Variants in YTHDC1 observed in about 807,000 individuals in gnomAD.
YTHDC1 encodes the protein YTH N6-methyladenosine RNA binding protein C1.
Under a neutral mutation model 107.0 loss-of-function variants are expected in YTHDC1, and 12 were observed. The observed-to-expected ratio is 0.11, with a 90% CI of 0.07 to 0.18. The LOEUF (loss-of-function observed/expected upper bound fraction) is 0.18, where lower values mean the gene tolerates loss of function less well. YTHDC1 is among the 10% of genes least tolerant of loss of function. The pLI is 1.00. For missense variants in YTHDC1, 635 were observed against 898.8 expected (o/e 0.71, Z 3.75); for synonymous variants, 280 against 289.5 (o/e 0.97, Z 0.33).
At position 68,318,819 on chromosome 4, in the gene YTHDC1, G is replaced by A. The variant is rs1223346965; in HGVS notation, c.1721+7C>T. 5.6e-6 allele frequency: 9 copies of A among 1,613,864 alleles called. No homozygotes were observed. The highest frequency in any genetic ancestry group is 3.3e-5 in the Admixed American group (2 of 59,994). ...TTCAAAACTAGGCAAGAGTGAACCC[G>A]ACTTACCTGTCCACTTCCTGGTATC... is the stretch of plus-strand genomic sequence containing the variant. On this transcript the variant is annotated splice_region_variant and intron_variant, in intron 13 of 16. Transcript: ENST00000344157.
intron 1 of YTHDC1, chr4:68,344,023 T>C (rs1000891604): frequency 5.3e-5 from 8 of 152,154 alleles, no homozygotes; most frequent in African/African-American, 1.9e-4. Flanking sequence ...AAATACTATT[T>C]GATTATTAGG....
chr4:68,330,390 A>T, intron 7 of YTHDC1, 80 bp from the exon 8 acceptor site: 1 of 979,096 alleles, frequency 1.0e-6, no homozygotes, highest in Non-Finnish European at 1.4e-6. Context: ...AAAAAAAACT[A>T]CATATTTTGG....
intron 1 of YTHDC1, among the ~76,000 whole-genome samples, chr4:68,347,609 T>G (rs560781093): frequency 6.6e-6 from 1 of 152,258 alleles, no homozygotes; most frequent in South Asian, 2.1e-4. Context: ...TTTCTGCAAC[T>G]TATAGACTCA....
At chr4:68,321,389 G>A (rs565919438) in intron 11 of YTHDC1, among the ~76,000 whole-genome samples, 1 of 152,226 alleles carries the variant, frequency 6.6e-6, no homozygotes, top group Admixed American at 6.5e-5. Context: ...CTGTAGTTTG[G>A]GGAGTGCATT....
At chr4:68,347,068 A>C (rs1270892820) in intron 1 of YTHDC1, among the ~76,000 whole-genome samples, 1 of 152,196 alleles carries the variant, frequency 6.6e-6, no homozygotes, top group East Asian at 1.9e-4. Flanking sequence ...CCAACCTGGT[A>C]AATACTCAAG....
chr4:68,320,084 A>G lies in YTHDC1; in HGVS notation c.1684+39T>C, dbSNP rs756438652. 3.3e-6 allele frequency: 5 copies of G among 1,519,808 alleles called. No individual in the cohort carries two copies. The East Asian group carries it at 9.1e-5, about 28-fold the overall frequency. 94.1% of individuals were successfully genotyped at this position (1,519,808 alleles called of 1,614,324 possible). A position where few individuals can be genotyped will look rare whatever the true frequency, so the allele number is the denominator to read the frequency against. ...TTAATTTTTTAATTTTTTTCCAATA[A>G]TTTGAAATCAAATATCTGCAGGATT... On this transcript the variant is annotated intron_variant, in intron 12 of 16. Coordinates refer to ENST00000344157, the MANE Select transcript of YTHDC1 (RefSeq NM_001031732.4).
chr4:68,317,660 G>T (rs1053830611), intron 15 of YTHDC1, among the ~76,000 whole-genome samples: 3 of 152,166 alleles, frequency 2.0e-5, no homozygotes, highest in African/African-American at 7.2e-5. Flanking sequence ...AGAAAATTTA[G>T]TGAGTATTAG....
At chr4:68,314,465 C>T (rs1721599531) in intron 16 of YTHDC1, 142 bp from the exon 17 acceptor site, 3 of 677,436 alleles carry the variant, frequency 4.4e-6, no homozygotes, top group African/African-American at 3.6e-5. Flanking sequence ...GCGGAGAGAA[C>T]AATCCAAAGA....
intron 4 of YTHDC1, among the ~76,000 whole-genome samples, chr4:68,336,807 A>G (rs765708832): frequency 3.9e-5 from 6 of 152,200 alleles, no homozygotes; most frequent in Non-Finnish European, 8.8e-5. Context: ...TTCATTTACA[A>G]CACAACCATT....
chr4:68,324,355 T>A, intron 9 of YTHDC1, 132 bp from the exon 10 acceptor site: 2 of 668,616 alleles, frequency 3.0e-6, no homozygotes, highest in Non-Finnish European at 4.8e-6. Flanking sequence ...TTACAGTGGT[T>A]AATTCCCTAT....
Position 68,312,604 on chromosome 4 carries a change from A to C in YTHDC1, c.*1495T>G, listed in dbSNP as rs1560465040. The C allele has an allele frequency of 6.6e-6, 1 of 152,226 alleles. No homozygotes were observed. Among genetic ancestry groups the C allele is most frequent in the Non-Finnish European group, 1.5e-5 (1 of 68,026 alleles). 9.4% of individuals were successfully genotyped at this position (152,226 alleles called of 1,614,324 possible). ...TTGTAAATAAAACTTCTGTGAATGC[A>C]GGGAAAGATACTACATGCTGGTATG... is the stretch of plus-strand genomic sequence containing the variant. On this transcript the variant is annotated 3_prime_UTR_variant, in exon 17 of 17. Coordinates refer to ENST00000344157, the MANE Select transcript of YTHDC1 (RefSeq NM_001031732.4).
intron 9 of YTHDC1, among the ~76,000 whole-genome samples, chr4:68,324,990 A>G (rs1314863294): frequency 5.4e-5 from 6 of 111,464 alleles, no homozygotes; most frequent in Non-Finnish European, 1.2e-4. Context: ...AAGATGACAC[A>G]TAACCAACAG....
intron 1 of YTHDC1, among the ~76,000 whole-genome samples, chr4:68,348,712 T>A (rs1320155832): frequency 1.3e-5 from 2 of 152,156 alleles, no homozygotes; most frequent in African/African-American, 2.4e-5. Flanking sequence ...ACGCCTAATG[T>A]AACTTGACTC....
At chr4:68,327,943 A>G (rs781331658) in intron 9 of YTHDC1, among the ~76,000 whole-genome samples, 5 of 152,218 alleles carry the variant, frequency 3.3e-5, no homozygotes, top group Admixed American at 6.5e-5. Flanking sequence ...AGGTAAACCC[A>G]TAAACTTACT....
intron 16 of YTHDC1, chr4:68,316,094 A>T: frequency 2.4e-6 from 1 of 420,620 alleles, no homozygotes; most frequent in Non-Finnish European, 4.0e-6. Flanking sequence ...GTTTGCCTTA[A>T]GCAGTTTGTG....
At chr4:68,330,557 G>A (rs889034543) in intron 7 of YTHDC1, among the ~76,000 whole-genome samples, 2 of 152,046 alleles carry the variant, frequency 1.3e-5, no homozygotes, top group African/African-American at 4.8e-5. Flanking sequence ...ATGGAGATGA[G>A]GTTCAAATCT....
At chr4:68,338,092 A>G (rs1187565501) in intron 2 of YTHDC1, 191 bp downstream of exon 2, 3 of 938,612 alleles carry the variant, frequency 3.2e-6, no homozygotes, top group East Asian at 1.2e-4. Context: ...ATAAAACCAT[A>G]TATTTGAGAA....
chr4:68,341,158 T>C (rs1724760824), intron 1 of YTHDC1, among the ~76,000 whole-genome samples: 2 of 152,188 alleles, frequency 1.3e-5, no homozygotes. Context: ...GAAGCTCAAA[T>C]GTTCCAGTTG....
At chr4:68,325,642 G>C (rs2140519) in intron 9 of YTHDC1, among the ~76,000 whole-genome samples, 124,593 of 152,108 alleles carry the variant, frequency 0.82, 51,388 homozygotes, top group East Asian at 0.97. Context: ...CTCAGCCTCC[G>C]AAAATGCTAG....
Sources: allele counts gnomAD v4.1 joint callset (sites outside exome capture counted in the v4.1 genomes callset), GRCh38; gene constraint gnomAD v4.1.1; transcripts MANE v1.5; gene names NCBI Gene and HGNC (gene_info 2026-07-23, HGNC 2026-07-21).